Variants in GALNT8 observed in about 807,000 individuals in gnomAD.
The protein encoded by GALNT8 is polypeptide N-acetylgalactosaminyltransferase 8.
In GALNT8, 66 loss-of-function variants were observed where a neutral mutation model predicts 62.7. The observed-to-expected ratio is 1.05, with a 90% CI of 0.86 to 1.29. GALNT8 has a LOEUF of 1.29. GALNT8 is among the 50% of genes most tolerant of loss of function. The pLI is 0.00. For synonymous variants in GALNT8, 288 were observed against 294.3 expected (o/e 0.98, Z 0.22); for missense variants, 771 against 791.8 (o/e 0.97, Z 0.32).
At position 4,740,227 on chromosome 12, in the gene GALNT8, C is replaced by T. The variant is rs144084811; in HGVS notation, c.676+898C>T. Among the ~76,000 whole-genome samples the T allele has an allele frequency of 1.9e-3, 284 of 152,288 alleles. 3 individuals are homozygous for T. Among genetic ancestry groups the T allele is most frequent in the Admixed American group, 0.013 (203 of 15,288 alleles). ...GGAAGATAACAGACCTGAGTCCTCA[C>T]TTTCTGAGTTCATAATCCCGGCTTC... On this transcript the variant is annotated intron_variant, in intron 3 of 10. Coordinates refer to ENST00000252318, the MANE Select transcript of GALNT8 (RefSeq NM_017417.2).
At chr12:4,758,449 C>A (rs1425006799) in intron 6 of GALNT8, among the ~76,000 whole-genome samples, 3 of 152,104 alleles carry the variant, frequency 2.0e-5, no homozygotes, top group African/African-American at 7.2e-5. Flanking sequence ...ATGTAACTTC[C>A]TGGGCTCACA....
intron 2 of GALNT8, among the ~76,000 whole-genome samples, chr12:4,734,164 A>G (rs1375473825): frequency 2.0e-5 from 3 of 152,170 alleles, no homozygotes; most frequent in Non-Finnish European, 2.9e-5. Context: ...ATTACTACCA[A>G]TACTACTGCT....
intron 10 of GALNT8, chr12:4,768,517 C>T (rs770908082): frequency 1.5e-4 from 53 of 343,196 alleles, no homozygotes; most frequent in South Asian, 4.5e-4. Flanking sequence ...TTTGGATGAT[C>T]GCCTTCTCAG....
chr12:4,765,276 C>A (rs1212277907), intron 9 of GALNT8, 103 bp from the exon 10 acceptor site: 5 of 1,118,202 alleles, frequency 4.5e-6, no homozygotes, highest in Non-Finnish European at 3.7e-6. Context: ...TGTCTAGGGG[C>A]CCCAAGATCA....
rs1345948009 is a variant in GALNT8 at position 4,760,943 on chromosome 12, G to A, written c.1174-15G>A. 1 of 1,606,990 alleles carries A rather than the reference G, an allele frequency of 6.2e-7. No homozygotes were observed. Among genetic ancestry groups the A allele is most frequent in the South Asian group, 1.1e-5 (1 of 90,148 alleles). On this transcript the variant is annotated splice_polypyrimidine_tract_variant and intron_variant, in intron 6 of 10. Transcript: ENST00000252318. ...GGCTGTGAAGCACGGGTGATTTTTT[G>A]GTCTTCTTCTGCAGGTGTGGCAGTG...
intron 1 of GALNT8, among the ~76,000 whole-genome samples, chr12:4,722,920 G>A (rs760963505): frequency 9.9e-5 from 15 of 152,044 alleles, no homozygotes; most frequent in Non-Finnish European, 1.6e-4. Context: ...GACAGGAAAG[G>A]AGCAGAGAAG....
intron 6 of GALNT8, among the ~76,000 whole-genome samples, chr12:4,747,919 G>A (rs1173409821): frequency 6.6e-6 from 1 of 152,094 alleles, no homozygotes; most frequent in Admixed American, 6.5e-5. Context: ...ATTTTAACTG[G>A]AGTGAGATGA....
At chr12:4,761,841 C>T (rs972924810) in intron 7 of GALNT8, among the ~76,000 whole-genome samples, 5 of 152,078 alleles carry the variant, frequency 3.3e-5, no homozygotes, top group African/African-American at 1.2e-4. Flanking sequence ...CTGTGTTGGC[C>T]CACAGGGAGG....
At chr12:4,736,735 A>G (rs962294099) in intron 2 of GALNT8, among the ~76,000 whole-genome samples, 3 of 152,102 alleles carry the variant, frequency 2.0e-5, no homozygotes, top group African/African-American at 7.2e-5. Context: ...AATGACATCT[A>G]CTCCTGGGTT....
At chr12:4,736,865 C>T (rs1372955102) in intron 2 of GALNT8, among the ~76,000 whole-genome samples, 1 of 152,080 alleles carries the variant, frequency 6.6e-6, no homozygotes, top group Non-Finnish European at 1.5e-5. Flanking sequence ...AAGCAACAGA[C>T]TTTAGAAGGG....
intron 6 of GALNT8, 76 bp from the exon 7 acceptor site, chr12:4,760,882 G>A: frequency 2.4e-6 from 3 of 1,247,068 alleles, no homozygotes; most frequent in Non-Finnish European, 3.5e-6. Flanking sequence ...GCTCTAAAAT[G>A]TAGTCTTCTT....
intron 10 of GALNT8, among the ~76,000 whole-genome samples, chr12:4,767,610 G>A (rs77607584): frequency 5.2e-4 from 79 of 152,284 alleles, no homozygotes; most frequent in African/African-American, 1.8e-3. Context: ...TACAGCTTCA[G>A]GTTTCCTACA....
At chr12:4,765,569 T>C (rs1426186713) in intron 10 of GALNT8, 23 bp downstream of exon 10, 1 of 1,574,964 alleles carries the variant, frequency 6.3e-7, no homozygotes, top group Non-Finnish European at 8.7e-7. Flanking sequence ...TTTTTGTTTG[T>C]TGGTTTGTTT....
At chr12:4,729,885 CTTG>C (rs1379915964) in intron 2 of GALNT8, among the ~76,000 whole-genome samples, 14 of 152,104 alleles carry the variant, frequency 9.2e-5, no homozygotes, top group South Asian at 2.1e-4. Flanking sequence ...ATCGTCAATA[CTTG>C]TTATCTTTTA....
chr12:4,742,506 T>C (rs911217629), intron 3 of GALNT8, among the ~76,000 whole-genome samples: 1 of 152,200 alleles, frequency 6.6e-6, no homozygotes, highest in African/African-American at 2.4e-5. Flanking sequence ...AGTTTCCTTC[T>C]TAATTAATGA....
intron 2 of GALNT8, among the ~76,000 whole-genome samples, chr12:4,732,017 C>T (rs931388460): frequency 2.0e-5 from 3 of 151,452 alleles, no homozygotes; most frequent in Admixed American, 6.6e-5. Context: ...GTGTGGGGTC[C>T]TGTGTGACTG....
chr12:4,762,744 G>A (rs1378407576), intron 7 of GALNT8, among the ~76,000 whole-genome samples: 4 of 152,338 alleles, frequency 2.6e-5, no homozygotes, highest in South Asian at 2.1e-4. Flanking sequence ...TCCATCATGC[G>A]TGGTCCATAC....
At chr12:4,730,866 C>CTTTTTT (rs1163742469) in intron 2 of GALNT8, among the ~76,000 whole-genome samples, 1 of 137,284 alleles carries the variant, frequency 7.3e-6, no homozygotes, top group Non-Finnish European at 1.6e-5. Flanking sequence ...TTTTTCTTTT[C>CTTTTTT]TTTTTTTTTT....
intron 2 of GALNT8, among the ~76,000 whole-genome samples, chr12:4,732,925 C>T (rs1160051309): frequency 0.07 from 224 of 3,196 alleles, no homozygotes; most frequent in Non-Finnish European, 0.1. Flanking sequence ...TCTGCTGCAC[C>T]GTTCAGTATG....
Sources: gnomAD v4.1 joint callset for allele counts (sites outside exome capture counted in the v4.1 genomes callset) on GRCh38, gnomAD v4.1.1 for gene constraint, MANE v1.5 for transcripts, NCBI Gene and HGNC (gene_info 2026-07-23, HGNC 2026-07-21) for gene names.